The following HCN1 variants were observed in gnomAD, a reference collection of about 807,000 sequenced individuals.
The protein encoded by HCN1 is potassium/sodium hyperpolarization-activated cyclic nucleotide-gated channel 1.
A neutral mutation model predicts 78.9 loss-of-function variants in HCN1; 13 were observed. That is an observed-to-expected ratio of 0.16 (90% confidence interval 0.11 to 0.26). The LOEUF is 0.26. Among genes scored for constraint, HCN1 ranks in the 10% least tolerant of loss-of-function variants. HCN1 has a pLI of 1.00. For synonymous variants in HCN1, 552 were observed against 455.5 expected, an observed-to-expected ratio of 1.21 and a Z score of -2.70; for missense variants, 810 against 1,154.3, an observed-to-expected ratio of 0.70 and a Z score of 4.32.
In HCN1 at chr5:45,260,960, A is replaced by G. The variant is rs1744726733; in HGVS notation, c.*961T>C. 1 of 152,618 alleles carries G rather than the reference A, an allele frequency of 6.6e-6. No individual in the cohort carries two copies. The highest frequency in any genetic ancestry group is 2.4e-5 in the African/African-American group (1 of 41,450). The allele number at this position is 152,618 out of a possible 1,614,324, so 9.5% of individuals were successfully genotyped here. A position where few individuals can be genotyped will look rare whatever the true frequency, so the allele number is the denominator to read the frequency against. ...GATTATGGCAAGAAGAAAGAAAAGT[A>G]ACGATTTTTGGTGTAATACAAGCAA... is the stretch of plus-strand genomic sequence containing the variant. On this transcript the variant is annotated 3_prime_UTR_variant, in exon 8 of 8. Transcript: ENST00000303230.
intron 3 of HCN1, among the ~76,000 whole-genome samples, chr5:45,420,564 CAACA>C (rs1740206753): frequency 6.6e-6 from 1 of 152,112 alleles, no homozygotes; most frequent in Non-Finnish European, 1.5e-5. Context: ...GCTGGTGCGA[CAACA>C]TGTGGAAGTG....
intron 3 of HCN1, among the ~76,000 whole-genome samples, chr5:45,420,216 C>A (rs114648243): frequency 1.8e-3 from 269 of 152,280 alleles, no homozygotes; most frequent in African/African-American, 6.2e-3. Context: ...CAGTTGGTAT[C>A]TGTTTTTTTA....
In HCN1 at chr5:45,552,886, C is replaced by T. The variant is rs545953957; in HGVS notation, c.850-90879G>A. 5.3e-5 allele frequency among the ~76,000 whole-genome samples: 8 copies of T among 151,864 alleles called. No individual in the cohort carries two copies. The South Asian group carries it at 6.2e-4, about 12-fold the overall frequency. ...TGATAAAAGGAAGACACTGGGAATA[C>T]GAAATCTTTTAACAGTAGATGGAGA... On this transcript the variant is annotated intron_variant, in intron 2 of 7. Coordinates refer to ENST00000303230, the MANE Select transcript of HCN1 (RefSeq NM_021072.4).
At chr5:45,659,046 G>A (rs1282701674) in intron 1 of HCN1, among the ~76,000 whole-genome samples, 2 of 151,980 alleles carry the variant, frequency 1.3e-5, no homozygotes, top group East Asian at 3.9e-4. Context: ...GCAGACTTAA[G>A]TGTCCCTGTC....
chr5:45,680,382 C>T (rs1739681587), intron 1 of HCN1, among the ~76,000 whole-genome samples: 1 of 152,028 alleles, frequency 6.6e-6, no homozygotes, highest in Non-Finnish European at 1.5e-5. Context: ...ATTTATTAGG[C>T]TTCCTCAATT....
chr5:45,550,546 A>G (rs1483263848), intron 2 of HCN1, among the ~76,000 whole-genome samples: 1 of 152,098 alleles, frequency 6.6e-6, no homozygotes, highest in African/African-American at 2.4e-5. Context: ...ACCTAATGTA[A>G]ATGACGAGTT....
intron 2 of HCN1, among the ~76,000 whole-genome samples, chr5:45,546,669 G>A (rs1217478119): frequency 6.6e-6 from 1 of 151,476 alleles, no homozygotes; most frequent in Non-Finnish European, 1.5e-5. Context: ...CTCCTTTCCT[G>A]TATTCTTGGG....
intron 3 of HCN1, among the ~76,000 whole-genome samples, chr5:45,412,618 A>G (rs1740045099): frequency 6.6e-6 from 1 of 152,140 alleles, no homozygotes. Flanking sequence ...ATAAGAAAGT[A>G]AAATCAATGG....
chr5:45,378,490 TCTCTAC>T (rs544684371), intron 4 of HCN1, among the ~76,000 whole-genome samples: 17 of 152,186 alleles, frequency 1.1e-4, no homozygotes, highest in African/African-American at 3.9e-4. Flanking sequence ...CAGAATATAT[TCTCTAC>T]CTCTAACTGG....
chr5:45,329,035 A>G (rs1746290403), intron 5 of HCN1, among the ~76,000 whole-genome samples: 2 of 151,644 alleles, frequency 1.3e-5, no homozygotes, highest in Admixed American at 6.6e-5. Flanking sequence ...AGTGGGAGGC[A>G]GATAGGAGTG....
At chr5:45,614,906 T>C (rs1311884901) in intron 2 of HCN1, among the ~76,000 whole-genome samples, 1 of 151,922 alleles carries the variant, frequency 6.6e-6, no homozygotes, top group East Asian at 1.9e-4. Flanking sequence ...ATTCATCTAT[T>C]GGTTCATTTA....
At position 45,696,014 on chromosome 5, in the gene HCN1, G is replaced by T; in HGVS notation, c.80C>A (p.Ala27Glu). The T allele has an allele frequency of 1.5e-6, 2 of 1,306,302 alleles. No individual in the cohort carries two copies. Among genetic ancestry groups the T allele is most frequent in the Non-Finnish European group, 2.0e-6 (2 of 1,020,562 alleles). The allele number at this position is 1,306,302 out of a possible 1,614,324, so 80.9% of individuals were successfully genotyped here. A position where few individuals can be genotyped will look rare whatever the true frequency, so the allele number is the denominator to read the frequency against. The change falls in exon 1 of 8, where the codon GCG becomes GAG. Residue 27 changes from alanine (A) to glutamate (E), a missense_variant. This residue lies in a region of HCN1 where 170 missense variants were observed against 166.8 expected (regional missense o/e 1.02). Transcript: ENST00000303230. ...GNSVFPAKAS[A>E]TGAGPAAAEK... ...GGCCGCGGCCGGCCCCGCGCCCGTC[G>T]CGGACGCCTTGGCGGGGAAGACGCT...
At chr5:45,427,406 T>G (rs1225289254) in intron 3 of HCN1, among the ~76,000 whole-genome samples, 1 of 152,158 alleles carries the variant, frequency 6.6e-6, no homozygotes, top group Non-Finnish European at 1.5e-5. Context: ...TTTAGTTCTA[T>G]TTTTATAGTT....
intron 5 of HCN1, among the ~76,000 whole-genome samples, chr5:45,309,599 C>T (rs1429171243): frequency 6.6e-6 from 1 of 152,040 alleles, no homozygotes; most frequent in East Asian, 1.9e-4. Context: ...TTATCAAAAG[C>T]CTTTCCTGCA....
At chr5:45,301,620 G>C (rs868311065) in intron 6 of HCN1, among the ~76,000 whole-genome samples, 1 of 151,210 alleles carries the variant, frequency 6.6e-6, no homozygotes, top group Non-Finnish European at 1.5e-5. Context: ...TACTAGGGAG[G>C]CTGAGGTGGG....
intron 6 of HCN1, among the ~76,000 whole-genome samples, chr5:45,284,328 T>C (rs1182506999): frequency 6.6e-6 from 1 of 152,122 alleles, no homozygotes; most frequent in Non-Finnish European, 1.5e-5. Context: ...TGGAGAAGAT[T>C]TTAATCTGTA....
At chr5:45,625,959 T>C (rs1385184705) in intron 2 of HCN1, among the ~76,000 whole-genome samples, 1 of 152,192 alleles carries the variant, frequency 6.6e-6, no homozygotes, top group Non-Finnish European at 1.5e-5. Context: ...ACTTTTGTGC[T>C]CACAATTCAC....
chr5:45,598,738 C>T (rs1441592187), intron 2 of HCN1, among the ~76,000 whole-genome samples: 1 of 152,080 alleles, frequency 6.6e-6, no homozygotes, highest in Non-Finnish European at 1.5e-5. Flanking sequence ...CCAACCCCAC[C>T]AAAAAGTGGG....
intron 2 of HCN1, among the ~76,000 whole-genome samples, chr5:45,570,935 C>A (rs1561205198): frequency 6.6e-6 from 1 of 152,058 alleles, no homozygotes; most frequent in East Asian, 1.9e-4. Flanking sequence ...GCTCATATTT[C>A]ATACTATTAA....
Sources: allele counts gnomAD v4.1 joint callset (sites outside exome capture counted in the v4.1 genomes callset), GRCh38; gene constraint gnomAD v4.1.1; regional missense constraint gnomAD v4.1.1; transcripts MANE v1.5; gene names NCBI Gene and HGNC (gene_info 2026-07-23, HGNC 2026-07-21).